Variants in ADNP2 observed in about 807,000 individuals in gnomAD.
ADNP2 encodes activity-dependent neuroprotector homeobox protein 2.
Under a neutral mutation model 16.4 loss-of-function variants are expected in ADNP2, and 8 were observed. The ratio of observed to expected loss-of-function variants is 0.49; its 90% confidence interval spans 0.29 to 0.88. ADNP2 has a LOEUF of 0.88. Ranked by LOEUF, ADNP2 falls within the 40% of genes least tolerant of loss-of-function variation. The probability of loss-of-function intolerance (pLI) is 0.09; values close to 1 mark genes in which losing one functional copy is unlikely to be tolerated. For missense variants in ADNP2, 1,397 were observed against 1,395.1 expected, an observed-to-expected ratio of 1.00 and a Z score of -0.02; for synonymous variants, 637 against 545.8, an observed-to-expected ratio of 1.17 and a Z score of -2.33.
rs759056697 is a variant in ADNP2 at position 80,138,516 on chromosome 18, G to T, written c.3103G>T (p.Ala1035Ser). 9 of 1,613,926 alleles carry T rather than the reference G, an allele frequency of 5.6e-6. No homozygotes were observed. The highest frequency in any genetic ancestry group is 4.0e-5 in the African/African-American group (3 of 74,904). The part of the protein sequence containing the change: ...RTEGPIVKDE[A>S]LQILALDPKK... ...AGAGGGACCTATTGTCAAGGACGAGGCTCTTCAGATTTTAGCATTAGATCC... is the reference window on the plus strand; with the variant it reads ...AGAGGGACCTATTGTCAAGGACGAGTCTCTTCAGATTTTAGCATTAGATCC... The change falls in exon 4 of 4, where the codon GCT becomes TCT. Residue 1035 changes from alanine to serine, a missense_variant. Transcript: ENST00000262198.
chr18:80,111,860 A>T (rs370253021), intron 1 of ADNP2, among the ~76,000 whole-genome samples: 1 of 151,998 alleles, frequency 6.6e-6, no homozygotes, highest in Non-Finnish European at 1.5e-5. Context: ...TTTCTTTTAG[A>T]ATGTATTTTT....
intron 2 of ADNP2, among the ~76,000 whole-genome samples, chr18:80,118,961 CA>C (rs1163782920): frequency 6.6e-6 from 1 of 152,044 alleles, no homozygotes; most frequent in Non-Finnish European, 1.5e-5. Context: ...TCAAGTAATA[CA>C]GAAGTTTTTT....
chr18:80,112,884 A>G (rs1247338327), intron 1 of ADNP2, among the ~76,000 whole-genome samples: 1 of 152,202 alleles, frequency 6.6e-6, no homozygotes, highest in Admixed American at 6.5e-5. Flanking sequence ...TCAGATACAT[A>G]TGGATGATGG....
At chr18:80,122,912 T>A (rs1021086883) in intron 2 of ADNP2, among the ~76,000 whole-genome samples, 33 of 152,320 alleles carry the variant, frequency 2.2e-4, no homozygotes, top group Non-Finnish European at 4.1e-4. Context: ...GTTTTTGGTC[T>A]TTTACCGTTG....
rs2052544649 is a variant in ADNP2 at position 80,137,127 on chromosome 18, G to A, written c.1714G>A (p.Gly572Ser). ...PGVLQLNQTV[G>S]TNILPVNQPV... ...GGTCTTGCAACTCAACCAGACTGTG[G>A]GCACCAACATTCTGCCTGTGAATCA... Residue 572 changes from glycine to serine, a missense_variant, in exon 4 of 4, where the codon GGC (glycine) becomes AGC (serine). Gly to Ser is a moderately conservative substitution (Grantham distance 56, BLOSUM62 0). Coordinates refer to ENST00000262198, the MANE Select transcript of ADNP2 (RefSeq NM_014913.4). This position sits in a 1 kb window ranked among gnomAD's most constrained non-coding sequence, Gnocchi z 4.2. 1.2e-6 allele frequency: 2 copies of A among 1,614,210 alleles called. No homozygotes were observed. The highest frequency in any genetic ancestry group is 1.7e-6 in the Non-Finnish European group (2 of 1,180,040).
chr18:80,118,553 A>G (rs2052403720), intron 2 of ADNP2, among the ~76,000 whole-genome samples: 1 of 152,070 alleles, frequency 6.6e-6, no homozygotes, highest in Admixed American at 6.6e-5. Flanking sequence ...TCAGGTATGT[A>G]TTTGGTTGTC....
chr18:80,116,867 C>T (rs975253556), intron 1 of ADNP2, among the ~76,000 whole-genome samples: 2 of 152,204 alleles, frequency 1.3e-5, no homozygotes, highest in Non-Finnish European at 2.9e-5. Flanking sequence ...AACTCCTGAG[C>T]TCAAACAGTC....
Position 80,138,425 on chromosome 18 carries a change from A to G in ADNP2, c.3012A>G (p.Ala1004=), listed in dbSNP as rs35287972. The G allele has an allele frequency of 5.1e-3, 8,182 of 1,614,072 alleles. 275 individuals are homozygous for G. In the African/African-American group the frequency reaches 0.08, roughly 16 times the overall value. The change falls in exon 4 of 4, where the codon GCA becomes GCG. Residue 1004 remains alanine (A), a synonymous_variant. Coordinates refer to ENST00000262198, the MANE Select transcript of ADNP2 (RefSeq NM_014913.4). ...AGCCTCCCATCCTAAATGCCGATGC[A>G]GCCCCGGGTCCAGAAAAGGTGACGA... The part of the protein sequence containing the change: ...EEQPPILNAD[A]APGPEKVTSV...
rs34515123 is a variant in ADNP2, at chr18:80,134,386, A to AGTGTGT, written c.199-1198_199-1193dup. Among the ~76,000 whole-genome samples the AGTGTGT allele has an allele frequency of 7.8e-3, 1,142 of 146,300 alleles. 3 individuals are homozygous for AGTGTGT. The highest frequency in any genetic ancestry group is 0.015 in the East Asian group (73 of 4,850). On this transcript the variant is annotated intron_variant, in intron 3 of 3. Transcript: ENST00000262198. ...AAAACAAAAAACTGAAGAATGGAAG[A>AGTGTGT]GTGTGTGTGTGTGTGTGTGTGTGTG...
intron 1 of ADNP2, among the ~76,000 whole-genome samples, chr18:80,113,451 GT>G (rs2052370163): frequency 6.6e-6 from 1 of 151,916 alleles, no homozygotes; most frequent in Non-Finnish European, 1.5e-5. Context: ...CACCTTTTTG[GT>G]TTTACTTTTG....
chr18:80,134,370 A>G (rs1185041292), intron 3 of ADNP2, among the ~76,000 whole-genome samples: 1 of 150,312 alleles, frequency 6.7e-6, no homozygotes, highest in Non-Finnish European at 1.5e-5. Flanking sequence ...AAAAACAAAA[A>G]ACTGAAGAAT....
intron 2 of ADNP2, among the ~76,000 whole-genome samples, chr18:80,126,689 G>A (rs1044489369): frequency 1.3e-5 from 2 of 152,006 alleles, no homozygotes; most frequent in Non-Finnish European, 2.9e-5. Flanking sequence ...TTCTTTGTGT[G>A]TCTTTTGCTT....
At chr18:80,121,993 TGCAACCTC>T in intron 2 of ADNP2, among the ~76,000 whole-genome samples, 1 of 152,120 alleles carries the variant, frequency 6.6e-6, no homozygotes, top group Non-Finnish European at 1.5e-5. Context: ...CTTGGCTCAC[TGCAACCTC>T]TGCCTCCTGG....
intron 2 of ADNP2, among the ~76,000 whole-genome samples, chr18:80,118,350 C>G (rs560441731): frequency 2.0e-5 from 3 of 152,022 alleles, no homozygotes; most frequent in Non-Finnish European, 2.9e-5. Flanking sequence ...ATTGCTTGAA[C>G]CTGGGTGGCA....
intron 2 of ADNP2, among the ~76,000 whole-genome samples, chr18:80,118,462 T>C (rs920936662): frequency 6.6e-6 from 1 of 152,138 alleles, no homozygotes; most frequent in African/African-American, 2.4e-5. Context: ...TATATCCTTG[T>C]AGTCATTGGT....
chr18:80,131,783 G>C (rs1410862676), intron 2 of ADNP2, among the ~76,000 whole-genome samples: 1 of 146,750 alleles, frequency 6.8e-6, no homozygotes, highest in Non-Finnish European at 1.5e-5. Context: ...CTTACTCACA[G>C]ATGGGAATTG....
intron 1 of ADNP2, among the ~76,000 whole-genome samples, chr18:80,115,236 T>C (rs1187821859): frequency 6.6e-6 from 1 of 152,232 alleles, no homozygotes; most frequent in African/African-American, 2.4e-5. Flanking sequence ...CCTTTCAAGC[T>C]GGTTACTTCT....
chr18:80,135,955 A>G lies in ADNP2; in HGVS notation c.542A>G (p.Tyr181Cys), dbSNP rs745677245. The change falls in exon 4 of 4, where the codon TAC becomes TGC. Residue 181 changes from tyrosine to cysteine, a missense_variant. Physicochemically the swap from Tyr to Cys is radical, Grantham distance 194. Around this residue, in one of 3 missense-constraint regions of ADNP2, gnomAD observed 777 missense variants for 719.4 expected, o/e 1.08. Coordinates refer to ENST00000262198, the MANE Select transcript of ADNP2 (RefSeq NM_014913.4). Reference sequence around the variant, plus strand: ...CATGTGCTGGTAGCCCATTTTCACTACTTAATTAACTCCTACTTTGGCCTA... The same window carrying G: ...CATGTGCTGGTAGCCCATTTTCACTGCTTAATTAACTCCTACTTTGGCCTA... ...KKHVLVAHFHYLINSYFGLRT... is the reference protein window; with the variant it reads ...KKHVLVAHFHCLINSYFGLRT... 1.9e-6 allele frequency: 3 copies of G among 1,614,204 alleles called. No individual in the cohort carries two copies. Among genetic ancestry groups the G allele is most frequent in the Non-Finnish European group, 1.7e-6 (2 of 1,180,038 alleles).
chr18:80,124,084 C>G (rs1186260922), intron 2 of ADNP2, among the ~76,000 whole-genome samples: 2 of 152,174 alleles, frequency 1.3e-5, no homozygotes, highest in Non-Finnish European at 2.9e-5. Context: ...GTACTTTTCT[C>G]TGTTAGGAAG....
Sources: gnomAD v4.1 joint callset for allele counts (sites outside exome capture counted in the v4.1 genomes callset) on GRCh38, gnomAD v4.1.1 for gene constraint, gnomAD v4.1.1 regional missense constraint, Gnocchi (gnomAD v3.1) non-coding constraint, MANE v1.5 for transcripts, NCBI Gene and HGNC (gene_info 2026-07-23, HGNC 2026-07-21) for gene names.